Variants in ANO6 observed in about 807,000 individuals in gnomAD.
The protein encoded by ANO6 is anoctamin-6.
In ANO6, 106 loss-of-function variants were observed where a neutral mutation model predicts 117.5. The ratio of observed to expected loss-of-function variants is 0.90; its 90% CI spans 0.77 to 1.06. The LOEUF (loss-of-function observed/expected upper bound fraction) is 1.06. Among genes scored for constraint, ANO6 ranks in the 50% least tolerant of loss-of-function variants. The pLI is 0.00. For synonymous variants in ANO6, 367 were observed against 385.1 expected, an observed-to-expected ratio of 0.95 and a Z score of 0.55; for missense variants, 955 against 1,121.1, an observed-to-expected ratio of 0.85 and a Z score of 2.12.
At chr12:45,359,328 A>G (rs1231554029) in intron 8 of ANO6, among the ~76,000 whole-genome samples, 2 of 152,236 alleles carry the variant, frequency 1.3e-5, no homozygotes, top group Admixed American at 1.3e-4. Flanking sequence ...AAAATATTAA[A>G]AATGTGTAAA....
intron 1 of ANO6, among the ~76,000 whole-genome samples, chr12:45,254,158 T>G (rs143279622): frequency 3.1e-3 from 476 of 152,168 alleles, no homozygotes; most frequent in African/African-American, 9.2e-3. Context: ...AGAGCAAGAC[T>G]CCGTCTCAAA....
chr12:45,334,768 T>C (rs1940776542), intron 3 of ANO6, among the ~76,000 whole-genome samples: 1 of 152,052 alleles, frequency 6.6e-6, no homozygotes, highest in Admixed American at 6.6e-5. Context: ...TGATTAAATA[T>C]ATCTAAATAT....
In ANO6 at chr12:45,429,367, G is replaced by A. The variant is rs1487504106; in HGVS notation, c.*56G>A. 3.2e-6 allele frequency: 5 copies of A among 1,585,030 alleles called. No homozygotes were observed. The highest frequency in any genetic ancestry group is 1.7e-6 in the Non-Finnish European group (2 of 1,166,900). ...AATTTAGCTTTGTCAAAATATATTA[G>A]GAATCACTAATGAGAATGTGTAAGT... On this transcript the variant is annotated 3_prime_UTR_variant, in exon 20 of 20. Transcript: ENST00000320560.
At chr12:45,326,363 T>A (rs1940466583) in intron 2 of ANO6, among the ~76,000 whole-genome samples, 1 of 152,218 alleles carries the variant, frequency 6.6e-6, no homozygotes, top group African/African-American at 2.4e-5. Flanking sequence ...TTTAAGAATT[T>A]CTACATATTT....
At chr12:45,394,259 A>C (rs148918831) in intron 12 of ANO6, among the ~76,000 whole-genome samples, 76 of 152,334 alleles carry the variant, frequency 5.0e-4, no homozygotes, top group African/African-American at 1.5e-3. Flanking sequence ...ATAGGCCATT[A>C]TGTAATGGTA....
intron 18 of ANO6, 59 bp from the exon 19 acceptor site, chr12:45,422,898 T>G: frequency 7.7e-7 from 1 of 1,299,452 alleles, no homozygotes; most frequent in Non-Finnish European, 1.1e-6. Context: ...ATGGGGCCTT[T>G]GTTTACAGTA....
At chr12:45,339,801 C>T (rs1940929224) in intron 3 of ANO6, among the ~76,000 whole-genome samples, 2 of 151,978 alleles carry the variant, frequency 1.3e-5, no homozygotes, top group Admixed American at 6.6e-5. Context: ...ATTTCTCTTG[C>T]GTTTTTGTAG....
intron 3 of ANO6, among the ~76,000 whole-genome samples, 162 bp downstream of exon 3, chr12:45,331,585 A>G (rs1270895302): frequency 6.6e-6 from 1 of 152,116 alleles, no homozygotes; most frequent in African/African-American, 2.4e-5. Context: ...TATTAACAAA[A>G]CGTTTTTTAA....
At chr12:45,425,739 G>T (rs1341863632) in intron 19 of ANO6, among the ~76,000 whole-genome samples, 1 of 152,212 alleles carries the variant, frequency 6.6e-6, no homozygotes, top group African/African-American at 2.4e-5. Context: ...CTTCAGAGAT[G>T]AGAAAGAGGA....
At chr12:45,296,522 C>CT (rs1000380034) in intron 1 of ANO6, among the ~76,000 whole-genome samples, 7 of 151,924 alleles carry the variant, frequency 4.6e-5, no homozygotes, top group Admixed American at 2.0e-4. Context: ...TTGTTTTTTT[C>CT]TTTTTTTTCT....
At chr12:45,424,479 A>C (rs1422835307) in intron 19 of ANO6, among the ~76,000 whole-genome samples, 1 of 151,870 alleles carries the variant, frequency 6.6e-6, no homozygotes, top group East Asian at 1.9e-4. Context: ...CTGGGACTAC[A>C]GGTGCACACT....
chr12:45,398,012 A>T (rs1186335585), intron 12 of ANO6, among the ~76,000 whole-genome samples: 1 of 152,196 alleles, frequency 6.6e-6, no homozygotes, highest in Non-Finnish European at 1.5e-5. Context: ...TGATGACTAT[A>T]TGATCTTTAG....
At chr12:45,255,006 A>G (rs1164373056) in intron 1 of ANO6, among the ~76,000 whole-genome samples, 1 of 152,166 alleles carries the variant, frequency 6.6e-6, no homozygotes, top group East Asian at 1.9e-4. Flanking sequence ...CTTACTTTCC[A>G]TATATATCTC....
intron 1 of ANO6, among the ~76,000 whole-genome samples, chr12:45,256,899 A>G (rs1313176564): frequency 6.6e-6 from 1 of 152,240 alleles, no homozygotes; most frequent in Non-Finnish European, 1.5e-5. Context: ...TTATACATTC[A>G]CTTCCTACTG....
chr12:45,339,570 T>C (rs1314249593), intron 3 of ANO6, among the ~76,000 whole-genome samples: 5 of 152,170 alleles, frequency 3.3e-5, no homozygotes, highest in Non-Finnish European at 1.5e-5. Context: ...TCATTTAAAA[T>C]GCTCGTCTGT....
intron 1 of ANO6, among the ~76,000 whole-genome samples, chr12:45,274,778 C>G (rs1938496617): frequency 6.7e-6 from 1 of 149,818 alleles, no homozygotes; most frequent in Non-Finnish European, 1.5e-5. Context: ...ACATGTCACT[C>G]CTTGCCTGGC....
At position 45,348,275 on chromosome 12, in the gene ANO6, A is replaced by T; in HGVS notation, c.593A>T (p.Asp198Val). 1 of 1,614,080 alleles carries T rather than the reference A, an allele frequency of 6.2e-7. No homozygotes were observed. Residue 198 changes from aspartate to valine, a missense_variant, in exon 5 of 20, where the codon GAT (aspartate) becomes GTT (valine). Physicochemically the swap from Asp to Val is radical, Grantham distance 152. Coordinates refer to ENST00000320560, the MANE Select transcript of ANO6 (RefSeq NM_001025356.3). ...KNRMNDFYIV[D>V]RDAFFNPATR... Reference sequence around the variant, plus strand: ...CGGATGAATGATTTTTACATAGTTGATAGAGATGCTTTCTTCAATCCAGCC... The same window carrying T: ...CGGATGAATGATTTTTACATAGTTGTTAGAGATGCTTTCTTCAATCCAGCC...
At chr12:45,269,743 G>C (rs975478788) in intron 1 of ANO6, among the ~76,000 whole-genome samples, 4 of 152,112 alleles carry the variant, frequency 2.6e-5, no homozygotes, top group Non-Finnish European at 5.9e-5. Flanking sequence ...TTTTGGATTG[G>C]GCATTTCCCA....
chr12:45,221,059 T>TGC (rs1555156314), intron 1 of ANO6, among the ~76,000 whole-genome samples: 1 of 149,214 alleles, frequency 6.7e-6, no homozygotes, highest in African/African-American at 2.5e-5. Context: ...GTGTCGGAAG[T>TGC]GGGGGGGGGC....
Sources: allele counts gnomAD v4.1 joint callset (sites outside exome capture counted in the v4.1 genomes callset), GRCh38; gene constraint gnomAD v4.1.1; transcripts MANE v1.5; gene names NCBI Gene and HGNC (gene_info 2026-07-23, HGNC 2026-07-21).